ZC2HC1B: variants seen among roughly 807,000 people sequenced by gnomAD.
ZC2HC1B encodes the protein zinc finger C2HC-type containing 1B.
Under a neutral mutation model 31.0 loss-of-function variants are expected in ZC2HC1B, and 36 were observed. The observed-to-expected ratio is 1.16, with a 90% CI of 0.89 to 1.54. The LOEUF is 1.54. ZC2HC1B is among the 40% of genes most tolerant of loss of function. ZC2HC1B has a pLI of 0.00. For missense variants in ZC2HC1B, 260 were observed against 268.6 expected, an observed-to-expected ratio of 0.97 and a Z score of 0.22; for synonymous variants, 73 against 88.0, an observed-to-expected ratio of 0.83 and a Z score of 0.95.
At position 143,871,582 on chromosome 6, in the gene ZC2HC1B, C is replaced by A. The variant is rs1335478051; in HGVS notation, c.28+7015C>A. Reference sequence around the variant, plus strand: ...CTTATGATAATCCACTCTCATTCTTCCAGATCCATCTGTCTTCTGCACAGG... The same window carrying A: ...CTTATGATAATCCACTCTCATTCTTACAGATCCATCTGTCTTCTGCACAGG... On this transcript the variant is annotated intron_variant, in intron 1 of 7. Transcript: ENST00000237275. The surrounding 1 kb of genome is among the most constrained non-coding windows in gnomAD (Gnocchi z 4.1). Among the ~76,000 whole-genome samples, 1 of 152,196 alleles carries A rather than the reference C, an allele frequency of 6.6e-6. No homozygotes were observed. Among genetic ancestry groups the A allele is most frequent in the East Asian group, 1.9e-4 (1 of 5,202 alleles).
chr6:143,901,544 G>A (rs1277362359), intron 5 of ZC2HC1B, among the ~76,000 whole-genome samples: 4 of 152,092 alleles, frequency 2.6e-5, no homozygotes, highest in African/African-American at 9.7e-5. Flanking sequence ...ACAGGCATGA[G>A]ACCCCGTGCC....
In ZC2HC1B at chr6:143,917,672, A is replaced by G. The variant is rs1187098018; in HGVS notation, c.598+14520A>G. Reference sequence around the variant, plus strand: ...GAAACTTTTTGAGCACTGACATGACATGCAATTGATTTTTGGATTAGTGAT... The same window carrying G: ...GAAACTTTTTGAGCACTGACATGACGTGCAATTGATTTTTGGATTAGTGAT... On this transcript the variant is annotated intron_variant, in intron 6 of 7. Transcript: ENST00000237275. The surrounding 1 kb of genome is among the most constrained non-coding windows in gnomAD (Gnocchi z 4.1). Among the ~76,000 whole-genome samples, 1 of 152,212 alleles carries G rather than the reference A, an allele frequency of 6.6e-6. No individual in the cohort carries two copies. The highest frequency in any genetic ancestry group is 1.5e-5 in the Non-Finnish European group (1 of 68,030).
Position 143,913,782 on chromosome 6 carries a change from G to A in ZC2HC1B, c.598+10630G>A, listed in dbSNP as rs1325620061. Among the ~76,000 whole-genome samples the A allele has an allele frequency of 6.6e-6, 1 of 152,182 alleles. No individual in the cohort carries two copies. The highest frequency in any genetic ancestry group is 2.4e-5 in the African/African-American group (1 of 41,440). On this transcript the variant is annotated intron_variant, in intron 6 of 7. Coordinates refer to ENST00000237275, the MANE Select transcript of ZC2HC1B (RefSeq NM_001013623.3). This position sits in a 1 kb window ranked among gnomAD's most constrained non-coding sequence, Gnocchi z 5.7. Reference sequence around the variant, plus strand: ...AGTCACTAATTGCTTCCCTTGGCTGGGGGTGGGTGTTTCCTTGGCTCCATG... The same window carrying A: ...AGTCACTAATTGCTTCCCTTGGCTGAGGGTGGGTGTTTCCTTGGCTCCATG...
In ZC2HC1B at chr6:143,869,616, G is replaced by A. The variant is rs1202764926; in HGVS notation, c.28+5049G>A. Among the ~76,000 whole-genome samples, 1 of 152,216 alleles carries A rather than the reference G, an allele frequency of 6.6e-6. No individual in the cohort carries two copies. The highest frequency in any genetic ancestry group is 1.5e-5 in the Non-Finnish European group (1 of 68,042). On this transcript the variant is annotated intron_variant, in intron 1 of 7. Coordinates refer to ENST00000237275, the MANE Select transcript of ZC2HC1B (RefSeq NM_001013623.3). The surrounding 1 kb of genome is among the most constrained non-coding windows in gnomAD (Gnocchi z 5.2). ...ATAGGCAAACCCATATCCAGAGTGA[G>A]TGTTTATTCCAGTGAGGAGAAACCT...
Position 143,913,496 on chromosome 6 carries a change from T to G in ZC2HC1B, c.598+10344T>G, listed in dbSNP as rs1459129556. On this transcript the variant is annotated intron_variant, in intron 6 of 7. Transcript: ENST00000237275. The surrounding 1 kb of genome is among the most constrained non-coding windows in gnomAD (Gnocchi z 5.7). The stretch of plus-strand genomic sequence containing the variant: ...TGTCAGGTGTGGTGGAAGTGGGGTC[T>G]ACAGAATGATGCTGCTTGGCTCCCT... 6.6e-6 allele frequency among the ~76,000 whole-genome samples: 1 copy of G among 152,170 alleles called. No homozygotes were observed. Among genetic ancestry groups the G allele is most frequent in the Non-Finnish European group, 1.5e-5 (1 of 68,042 alleles).
rs1778154934 is a variant in ZC2HC1B at position 143,934,492 on chromosome 6, T to C, written c.599-3157T>C. Among the ~76,000 whole-genome samples the C allele has an allele frequency of 6.6e-6, 1 of 152,242 alleles. No homozygotes were observed. Among genetic ancestry groups the C allele is most frequent in the South Asian group, 2.1e-4 (1 of 4,832 alleles). Reference sequence around the variant, plus strand: ...CTGTTGCTGGAGAATTGTATTCCTTTGGAGGAGTCATATTTTCTTGCATTT... The same window carrying C: ...CTGTTGCTGGAGAATTGTATTCCTTCGGAGGAGTCATATTTTCTTGCATTT... On this transcript the variant is annotated intron_variant, in intron 6 of 7. Coordinates refer to ENST00000237275, the MANE Select transcript of ZC2HC1B (RefSeq NM_001013623.3). This position sits in a 1 kb window ranked among gnomAD's most constrained non-coding sequence, Gnocchi z 4.6.
intron 4 of ZC2HC1B, among the ~76,000 whole-genome samples, chr6:143,896,412 G>A (rs1777666994): frequency 6.6e-6 from 1 of 152,130 alleles, no homozygotes; most frequent in African/African-American, 2.4e-5. Context: ...CTTTCCAGCT[G>A]GCAAAATTGA....
chr6:143,936,026 G>A (rs778258133), intron 6 of ZC2HC1B, among the ~76,000 whole-genome samples: 15 of 151,972 alleles, frequency 9.9e-5, no homozygotes, highest in Non-Finnish European at 1.6e-4. Context: ...ATAGCAGTTA[G>A]CCTCCTAAAA....
In ZC2HC1B at chr6:143,869,728, G is replaced by A. The variant is rs890485965; in HGVS notation, c.28+5161G>A. Among the ~76,000 whole-genome samples the A allele has an allele frequency of 2.6e-4, 39 of 152,186 alleles. No individual in the cohort carries two copies. The highest frequency in any genetic ancestry group is 2.3e-3 in the Admixed American group (35 of 15,276). ...TCACCCTGAGAAGTGGTGCCATATCGAGGTCTCAGTGTTGGTCTCTGCTGC... is the reference window on the plus strand; with the variant it reads ...TCACCCTGAGAAGTGGTGCCATATCAAGGTCTCAGTGTTGGTCTCTGCTGC... On this transcript the variant is annotated intron_variant, in intron 1 of 7. Coordinates refer to ENST00000237275, the MANE Select transcript of ZC2HC1B (RefSeq NM_001013623.3). The surrounding 1 kb of genome is among the most constrained non-coding windows in gnomAD (Gnocchi z 5.2).
At chr6:143,926,701 A>C (rs1778050788) in intron 6 of ZC2HC1B, among the ~76,000 whole-genome samples, 1 of 151,994 alleles carries the variant, frequency 6.6e-6, no homozygotes, top group Non-Finnish European at 1.5e-5. Context: ...TAATATAGAG[A>C]GTAGGGTGTT....
chr6:143,914,880 A>C (rs931909955), intron 6 of ZC2HC1B, among the ~76,000 whole-genome samples: 17 of 151,964 alleles, frequency 1.1e-4, no homozygotes, highest in Non-Finnish European at 1.8e-4. Flanking sequence ...TTCAATTTCA[A>C]TCTATTTTTG....
At chr6:143,901,418 C>T (rs1490971993) in intron 5 of ZC2HC1B, among the ~76,000 whole-genome samples, 1 of 151,422 alleles carries the variant, frequency 6.6e-6, no homozygotes, top group African/African-American at 2.4e-5. Context: ...CACCACCATG[C>T]CTGGCTACCT....
At position 143,923,905 on chromosome 6, in the gene ZC2HC1B, T is replaced by A. The variant is rs1033954300; in HGVS notation, c.599-13744T>A. 3.9e-5 allele frequency among the ~76,000 whole-genome samples: 6 copies of A among 152,128 alleles called. No individual in the cohort carries two copies. The highest frequency in any genetic ancestry group is 7.4e-5 in the Non-Finnish European group (5 of 67,972). ...TGATGCCTCCAGCTTTGTTTTTTTT[T>A]ACTCAGGAACACTATGGCTATTTGA... On this transcript the variant is annotated intron_variant, in intron 6 of 7. Transcript: ENST00000237275. The surrounding 1 kb of genome is among the most constrained non-coding windows in gnomAD (Gnocchi z 4.8).
rs1037669051 is a variant in ZC2HC1B, at chr6:143,899,731, C to T, written c.489+1040C>T. Among the ~76,000 whole-genome samples the T allele has an allele frequency of 6.6e-5, 10 of 152,134 alleles. No homozygotes were observed. The highest frequency in any genetic ancestry group is 6.6e-4 in the Admixed American group (10 of 15,266). On this transcript the variant is annotated intron_variant, in intron 5 of 7. Coordinates refer to ENST00000237275, the MANE Select transcript of ZC2HC1B (RefSeq NM_001013623.3). The surrounding 1 kb of genome is among the most constrained non-coding windows in gnomAD (Gnocchi z 5.0). ...AATCCAGTATGTAATGGGGTGGGAC[C>T]GTTTCCAACAAAAGCGGATCCCACA... is the stretch of plus-strand genomic sequence containing the variant.
chr6:143,866,770 G>T (rs981319899), intron 1 of ZC2HC1B, among the ~76,000 whole-genome samples: 7 of 152,232 alleles, frequency 4.6e-5, no homozygotes, highest in Admixed American at 4.6e-4. Flanking sequence ...AGAGAAGGTA[G>T]AAATTCTAAT....
At chr6:143,878,495 G>T (rs1257280536) in intron 1 of ZC2HC1B, among the ~76,000 whole-genome samples, 2 of 150,262 alleles carry the variant, frequency 1.3e-5, no homozygotes, top group Admixed American at 6.6e-5. Context: ...GAAGGGGAGG[G>T]GAAAGGCTGC....
chr6:143,866,841 G>A (rs1777269761), intron 1 of ZC2HC1B, among the ~76,000 whole-genome samples: 1 of 152,168 alleles, frequency 6.6e-6, no homozygotes, highest in Non-Finnish European at 1.5e-5. Flanking sequence ...CAGGGCCACT[G>A]TTCAAGTTAA....
chr6:143,932,105 C>G (rs1778128104), intron 6 of ZC2HC1B, among the ~76,000 whole-genome samples: 1 of 152,068 alleles, frequency 6.6e-6, no homozygotes, highest in African/African-American at 2.4e-5. Context: ...GAACTCCTGA[C>G]CTCAGGTGAT....
chr6:143,899,893 A>G lies in ZC2HC1B; in HGVS notation c.489+1202A>G, dbSNP rs1423601646. Among the ~76,000 whole-genome samples, 3 of 152,242 alleles carry G rather than the reference A, an allele frequency of 2.0e-5. No individual in the cohort carries two copies. The highest frequency in any genetic ancestry group is 7.2e-5 in the African/African-American group (3 of 41,466). ...ATGGAGGGGGACTTAGAGCTGGTACAGTTGGCATATATAGGAGAGCTATGG... is the reference window on the plus strand; with the variant it reads ...ATGGAGGGGGACTTAGAGCTGGTACGGTTGGCATATATAGGAGAGCTATGG... On this transcript the variant is annotated intron_variant, in intron 5 of 7. Coordinates refer to ENST00000237275, the MANE Select transcript of ZC2HC1B (RefSeq NM_001013623.3). This position sits in a 1 kb window ranked among gnomAD's most constrained non-coding sequence, Gnocchi z 5.0.
Sources: allele counts gnomAD v4.1 joint callset (sites outside exome capture counted in the v4.1 genomes callset), GRCh38; gene constraint gnomAD v4.1.1; non-coding constraint Gnocchi (gnomAD v3.1); transcripts MANE v1.5; gene names NCBI Gene and HGNC (gene_info 2026-07-23, HGNC 2026-07-21).